Variants in FAM135A observed in about 807,000 individuals in gnomAD.
FAM135A encodes the protein family with sequence similarity 135 member A, also known as protein FAM135A.
In FAM135A, 79 loss-of-function variants were observed where a neutral mutation model predicts 146.8. The observed-to-expected ratio is 0.54, with a 90% CI of 0.45 to 0.65. The LOEUF (loss-of-function observed/expected upper bound fraction) is 0.65. Among genes scored for constraint, FAM135A ranks in the 30% least tolerant of loss-of-function variants. The pLI is 0.00. For missense variants in FAM135A, 1,623 were observed against 1,758.2 expected, an observed-to-expected ratio of 0.92 and a Z score of 1.38; for synonymous variants, 562 against 603.6, an observed-to-expected ratio of 0.93 and a Z score of 1.01.
intron 21 of FAM135A, chr6:70,557,401 A>C (rs897321363): frequency 6.5e-6 from 1 of 153,556 alleles, no homozygotes; most frequent in Non-Finnish European, 1.4e-5. Flanking sequence ...GACTTAGGTC[A>C]AGAACCTGGT....
At chr6:70,536,009 A>G (rs1266798834) in intron 18 of FAM135A, 6 of 318,640 alleles carry the variant, frequency 1.9e-5, no homozygotes, top group Non-Finnish European at 3.4e-5. Flanking sequence ...GTTACAAACT[A>G]TGAGTAAAAG....
chr6:70,420,133 C>T (rs928593660), intron 2 of FAM135A, among the ~76,000 whole-genome samples: 3 of 152,124 alleles, frequency 2.0e-5, no homozygotes, highest in Admixed American at 6.5e-5. Flanking sequence ...GAAGCAGTAC[C>T]GTTTTTCCTT....
Position 70,531,024 on chromosome 6 carries a change from G to A in FAM135A, c.3776-2136G>A, listed in dbSNP as rs1423081394. Among the ~76,000 whole-genome samples, 7 of 152,126 alleles carry A rather than the reference G, an allele frequency of 4.6e-5. 1 individual carries two copies. The highest frequency in any genetic ancestry group is 1.7e-4 in the African/African-American group (7 of 41,418). ...AAAGTAGTCAGAGGAACCAAATCAG[G>A]ACTGTAAGATGAATGCCTAATGATT... On this transcript the variant is annotated intron_variant, in intron 16 of 21. Coordinates refer to ENST00000418814, the MANE Select transcript of FAM135A (RefSeq NM_001162529.3).
At chr6:70,553,109 T>A (rs538547108) in intron 20 of FAM135A, among the ~76,000 whole-genome samples, 1 of 152,144 alleles carries the variant, frequency 6.6e-6, no homozygotes, top group Non-Finnish European at 1.5e-5. Flanking sequence ...TAAAGCACAA[T>A]TGGGGAAGCC....
intron 20 of FAM135A, among the ~76,000 whole-genome samples, chr6:70,546,279 AT>A (rs1291374883): frequency 6.6e-6 from 1 of 152,130 alleles, no homozygotes; most frequent in African/African-American, 2.4e-5. Context: ...AAAAGTGATC[AT>A]TTCTTTTTTA....
Position 70,544,819 on chromosome 6 carries a change from G to A in FAM135A, c.4228+6418G>A, listed in dbSNP as rs112970271. ...TAATCCCCGTACTTTGGGAGGCTGA[G>A]GCAGGTGGATCACCTGAGGAAAGGA... On this transcript the variant is annotated intron_variant, in intron 20 of 21. Coordinates refer to ENST00000418814, the MANE Select transcript of FAM135A (RefSeq NM_001162529.3). Among the ~76,000 whole-genome samples the A allele has an allele frequency of 4.2e-3, 640 of 151,978 alleles. 4 individuals are homozygous for A. The highest frequency in any genetic ancestry group is 0.015 in the African/African-American group (604 of 41,486).
chr6:70,454,766 T>C (rs541507251), intron 5 of FAM135A, among the ~76,000 whole-genome samples: 5 of 152,110 alleles, frequency 3.3e-5, no homozygotes, highest in Non-Finnish European at 7.4e-5. Context: ...CATTGGTCTA[T>C]CTCTCTCTTT....
At chr6:70,452,002 G>A (rs989809943) in intron 4 of FAM135A, among the ~76,000 whole-genome samples, 3 of 150,448 alleles carry the variant, frequency 2.0e-5, no homozygotes, top group African/African-American at 7.3e-5. Flanking sequence ...ATAAGTAAAA[G>A]TACATAAACA....
rs566012605 is a variant in FAM135A at position 70,506,742 on chromosome 6, T to C, written c.1029+3951T>C. Among the ~76,000 whole-genome samples the C allele has an allele frequency of 1.4e-4, 21 of 151,480 alleles. No homozygotes were observed. The South Asian group carries it at 2.7e-3, about 20-fold the overall frequency. ...TTTTTTTTTATTTTGTTTTTTCTTT[T>C]TTTTTTTTTAATTTTTATGTTTTTA... On this transcript the variant is annotated intron_variant, in intron 12 of 21. Coordinates refer to ENST00000418814, the MANE Select transcript of FAM135A (RefSeq NM_001162529.3).
chr6:70,502,681 C>G lies in FAM135A; in HGVS notation c.919C>G (p.Leu307Val). 6.2e-7 allele frequency: 1 copy of G among 1,612,926 alleles called. No individual in the cohort carries two copies. Among genetic ancestry groups the G allele is most frequent in the Non-Finnish European group, 8.5e-7 (1 of 1,179,448 alleles). Reference sequence around the variant, plus strand: ...ACTGGCAGAACTTATAAATATGAATCTTGCGCAACTTTGCTCACTTTTGAT... The same window carrying G: ...ACTGGCAGAACTTATAAATATGAATGTTGCGCAACTTTGCTCACTTTTGAT... ...DELAELINMN[L>V]AQLCSLLMAL... Residue 307 changes from leucine (L) to valine (V), a missense_variant, in exon 12 of 22, where the codon CTT becomes GTT. This residue lies in a region of FAM135A where 206 missense variants were observed against 194.7 expected (regional missense o/e 1.06). Coordinates refer to ENST00000418814, the MANE Select transcript of FAM135A (RefSeq NM_001162529.3).
intron 20 of FAM135A, among the ~76,000 whole-genome samples, chr6:70,544,665 A>G (rs2128461078): frequency 6.6e-6 from 1 of 152,092 alleles, no homozygotes; most frequent in African/African-American, 2.4e-5. Flanking sequence ...TGCTTGAACC[A>G]GGGATGTGGA....
At chr6:70,542,564 C>T (rs1798136259) in intron 20 of FAM135A, among the ~76,000 whole-genome samples, 1 of 152,174 alleles carries the variant, frequency 6.6e-6, no homozygotes, top group Admixed American at 6.5e-5. Context: ...GACAGGGTCT[C>T]ATGCTGTCAC....
chr6:70,502,670 T>C lies in FAM135A; in HGVS notation c.908T>C (p.Ile303Thr), dbSNP rs1446278245. The stretch of plus-strand genomic sequence containing the variant: ...AATCCTGATGAACTGGCAGAACTTA[T>C]AAATATGAATCTTGCGCAACTTTGC... The part of the protein sequence containing the change: ...IENPDELAEL[I>T]NMNLAQLCSL... The change falls in exon 12 of 22, where the codon ATA (isoleucine) becomes ACA (threonine). Residue 303 changes from isoleucine (I) to threonine (T), a missense_variant. Physicochemically the swap from Ile to Thr is moderately conservative, Grantham distance 89. Coordinates refer to ENST00000418814, the MANE Select transcript of FAM135A (RefSeq NM_001162529.3). The C allele has an allele frequency of 1.2e-6, 2 of 1,612,686 alleles. No homozygotes were observed. Among genetic ancestry groups the C allele is most frequent in the Non-Finnish European group, 8.5e-7 (1 of 1,179,376 alleles).
intron 12 of FAM135A, among the ~76,000 whole-genome samples, chr6:70,522,103 G>A (rs901697181): frequency 6.6e-6 from 1 of 152,076 alleles, no homozygotes; most frequent in Non-Finnish European, 1.5e-5. Context: ...TTTTAGTAGA[G>A]ACAGGGTTTC....
rs146903595 is a variant in FAM135A, at chr6:70,535,729, A to G, written c.3966-531A>G. ...GCTACATAAATATTATTCTTTTTGC[A>G]TAATCGAAGATTCATAGTAGGAAAA... On this transcript the variant is annotated intron_variant, in intron 18 of 21. Transcript: ENST00000418814. Among the ~76,000 whole-genome samples the G allele has an allele frequency of 5.3e-5, 8 of 152,326 alleles. No individual in the cohort carries two copies. The East Asian group carries it at 1.5e-3, about 29-fold the overall frequency.
chr6:70,450,181 G>T (rs796356819), intron 4 of FAM135A, among the ~76,000 whole-genome samples: 64 of 152,156 alleles, frequency 4.2e-4, no homozygotes, highest in African/African-American at 1.4e-3. Context: ...TGTATGGTTT[G>T]CAAATATTTA....
rs145207901 is a variant in FAM135A, at chr6:70,525,684, A to T, written c.2600A>T (p.Asp867Val). ...KSVVPECHLN[D>V]SKTVLNLGTT... ...GTTGTACCTGAATGCCATCTAAATGATAGCAAAACTGTATTAAATCTAGGA... is the reference window on the plus strand; with the variant it reads ...GTTGTACCTGAATGCCATCTAAATGTTAGCAAAACTGTATTAAATCTAGGA... Residue 867 changes from aspartate (D) to valine (V), a missense_variant, in exon 15 of 22, where the codon GAT becomes GTT. Asp to Val is a radical substitution (Grantham distance 152). Transcript: ENST00000418814. 28 of 1,612,250 alleles carry T rather than the reference A, an allele frequency of 1.7e-5. No homozygotes were observed. The highest frequency in any genetic ancestry group is 2.4e-5 in the Non-Finnish European group (28 of 1,179,398).
intron 12 of FAM135A, among the ~76,000 whole-genome samples, chr6:70,520,364 A>G (rs1321085389): frequency 6.6e-6 from 1 of 152,202 alleles, no homozygotes; most frequent in South Asian, 2.1e-4. Flanking sequence ...TCAAGGTAGC[A>G]TAGATATTAG....
chr6:70,495,653 T>C (rs1205832596), intron 11 of FAM135A, among the ~76,000 whole-genome samples: 1 of 152,146 alleles, frequency 6.6e-6, no homozygotes, highest in Non-Finnish European at 1.5e-5. Context: ...TTATTTTTAT[T>C]ATACTTCAAG....
Sources: allele counts gnomAD v4.1 joint callset (sites outside exome capture counted in the v4.1 genomes callset), GRCh38; gene constraint gnomAD v4.1.1; regional missense constraint gnomAD v4.1.1; transcripts MANE v1.5; gene names NCBI Gene and HGNC (gene_info 2026-07-23, HGNC 2026-07-21).